Variants in PLCG2 observed in about 807,000 individuals in gnomAD.
PLCG2 encodes 1-phosphatidylinositol 4,5-bisphosphate phosphodiesterase gamma-2.
A neutral mutation model predicts 175.6 loss-of-function variants in PLCG2; 69 were observed. The observed-to-expected ratio is 0.39, with a 90% CI of 0.32 to 0.48. PLCG2 has a LOEUF of 0.48. PLCG2 is among the 20% of genes least tolerant of loss of function. The pLI is 0.91. For synonymous variants in PLCG2, 827 were observed against 624.0 expected (o/e 1.33, Z -4.85); for missense variants, 1,798 against 1,650.9 (o/e 1.09, Z -1.54).
intron 2 of PLCG2, among the ~76,000 whole-genome samples, chr16:81,816,651 A>AATT (rs1555509092): frequency 3.7e-5 from 4 of 108,868 alleles, no homozygotes; most frequent in Non-Finnish European, 5.1e-5. Context: ...GCTAATTTTA[A>AATT]TTTTTTTTTT....
chr16:81,746,416 A>C (rs1275806124), intron 1 of PLCG2, among the ~76,000 whole-genome samples: 2 of 152,172 alleles, frequency 1.3e-5, no homozygotes, highest in African/African-American at 4.8e-5. Context: ...TGGGAAATGT[A>C]GTCGAAACGG....
chr16:81,845,534 AGTCT>A (rs1422684929), intron 2 of PLCG2, among the ~76,000 whole-genome samples: 2 of 152,206 alleles, frequency 1.3e-5, no homozygotes, highest in African/African-American at 4.8e-5. Flanking sequence ...CAGGTTCCAG[AGTCT>A]GTCCACCTCA....
intron 1 of PLCG2, among the ~76,000 whole-genome samples, chr16:81,740,076 T>TGCAGTGAGCTGAGACAGCG (rs1355006484): frequency 7.1e-6 from 1 of 140,854 alleles, no homozygotes; most frequent in African/African-American, 2.7e-5. Context: ...AGGTGGGGGT[T>TGCAGTGAGCTGAGACAGCG]GCAGTGAGCT....
chr16:81,896,236 A>G (rs1313711431), intron 13 of PLCG2, among the ~76,000 whole-genome samples: 3 of 152,142 alleles, frequency 2.0e-5, no homozygotes, highest in Non-Finnish European at 4.4e-5. Context: ...AACCCCCGAA[A>G]GAGAGGGAAA....
At chr16:81,861,069 C>A (rs758702666) in intron 5 of PLCG2, among the ~76,000 whole-genome samples, 30 of 152,098 alleles carry the variant, frequency 2.0e-4, no homozygotes, top group Non-Finnish European at 4.3e-4. Flanking sequence ...AAACCAAAAC[C>A]AAACCCTACC....
At chr16:81,865,413 G>A (rs772176348) in intron 5 of PLCG2, among the ~76,000 whole-genome samples, 1 of 152,144 alleles carries the variant, frequency 6.6e-6, no homozygotes, top group Non-Finnish European at 1.5e-5. Flanking sequence ...AAGCGGGTGA[G>A]GCTGTCCCAG....
intron 2 of PLCG2, among the ~76,000 whole-genome samples, chr16:81,848,007 A>G (rs898398822): frequency 2.0e-5 from 3 of 152,242 alleles, no homozygotes; most frequent in Non-Finnish European, 4.4e-5. Flanking sequence ...AAGTGATTCC[A>G]AAGGTTATAT....
At chr16:81,920,353 G>C (rs184418378) in intron 20 of PLCG2, among the ~76,000 whole-genome samples, 261 of 152,308 alleles carry the variant, frequency 1.7e-3, no homozygotes, top group African/African-American at 5.9e-3. Flanking sequence ...TAGATACTAG[G>C]AGTACTGTGG....
At chr16:81,903,513 G>C (rs1004286273) in intron 14 of PLCG2, among the ~76,000 whole-genome samples, 1 of 152,238 alleles carries the variant, frequency 6.6e-6, no homozygotes, top group African/African-American at 2.4e-5. Flanking sequence ...TTGCAGATGA[G>C]AAGTGTGAGG....
chr16:81,764,451 C>T (rs916359449), intron 2 of PLCG2, among the ~76,000 whole-genome samples: 1 of 152,168 alleles, frequency 6.6e-6, no homozygotes, highest in Admixed American at 6.6e-5. Flanking sequence ...GGGGATGTGT[C>T]TTTGGAAAGT....
intron 2 of PLCG2, among the ~76,000 whole-genome samples, chr16:81,813,586 C>G (rs914562971): frequency 1.4e-4 from 22 of 152,168 alleles, no homozygotes; most frequent in African/African-American, 5.3e-4. Flanking sequence ...TGTAAAAACA[C>G]AGGAGCTTAA....
intron 2 of PLCG2, among the ~76,000 whole-genome samples, chr16:81,761,045 C>A (rs546655907): frequency 3.9e-5 from 6 of 152,236 alleles, no homozygotes; most frequent in Middle Eastern, 3.4e-3. Flanking sequence ...TATAAGTGCG[C>A]ACCACCACAC....
At chr16:81,918,116 C>T (rs954241555) in intron 19 of PLCG2, among the ~76,000 whole-genome samples, 25 of 152,286 alleles carry the variant, frequency 1.6e-4, no homozygotes, top group Middle Eastern at 3.4e-3. Context: ...ACCAGATGTT[C>T]AGTTTGCAGA....
At chr16:81,820,846 C>G (rs1567481201) in intron 2 of PLCG2, among the ~76,000 whole-genome samples, 1 of 150,356 alleles carries the variant, frequency 6.7e-6, no homozygotes, top group Non-Finnish European at 1.5e-5. Context: ...GTCTAGAACT[C>G]CTGACGTCAA....
intron 2 of PLCG2, among the ~76,000 whole-genome samples, chr16:81,762,948 T>C (rs1348398647): frequency 6.6e-6 from 1 of 152,182 alleles, no homozygotes. Context: ...TCCCAGCTAC[T>C]CAGGAGACTG....
chr16:81,833,668 C>A (rs1905365959), intron 2 of PLCG2, among the ~76,000 whole-genome samples: 2 of 151,760 alleles, frequency 1.3e-5, no homozygotes, highest in Admixed American at 1.3e-4. Context: ...TAGCTGGGAC[C>A]ACAGGCATGC....
At chr16:81,805,818 T>G (rs1229499826) in intron 2 of PLCG2, among the ~76,000 whole-genome samples, 1 of 148,162 alleles carries the variant, frequency 6.7e-6, no homozygotes, top group East Asian at 2.0e-4. Flanking sequence ...GTTGTTTTGT[T>G]TTTTAAATAG....
chr16:81,745,486 A>G (rs2143052873), intron 1 of PLCG2, among the ~76,000 whole-genome samples: 1 of 152,348 alleles, frequency 6.6e-6, no homozygotes, highest in East Asian at 1.9e-4. Flanking sequence ...CAACCGAGAT[A>G]ACATGGACCC....
chr16:81,941,130 C>G (rs1221941701), intron 30 of PLCG2, among the ~76,000 whole-genome samples: 2 of 152,152 alleles, frequency 1.3e-5, no homozygotes, highest in Non-Finnish European at 2.9e-5. Flanking sequence ...TTTTTGTTTT[C>G]AGACATTCCC....
Sources: gnomAD v4.1 joint callset for allele counts (sites outside exome capture counted in the v4.1 genomes callset) on GRCh38, gnomAD v4.1.1 for gene constraint, MANE v1.5 for transcripts, NCBI Gene and HGNC (gene_info 2026-07-23, HGNC 2026-07-21) for gene names.